Variants in MAMLD1 observed in about 807,000 individuals in gnomAD.
MAMLD1 encodes the protein mastermind-like domain-containing protein 1.
A neutral mutation model predicts 45.0 loss-of-function variants in MAMLD1; 14 were observed. The observed-to-expected ratio is 0.31, with a 90% CI of 0.21 to 0.49. The LOEUF (loss-of-function observed/expected upper bound fraction) is 0.49. Ranked by LOEUF, MAMLD1 falls within the 20% of genes least tolerant of loss-of-function variation. The probability of loss-of-function intolerance (pLI) is 0.99; values close to 1 mark genes in which losing one functional copy is unlikely to be tolerated. For missense variants in MAMLD1, 543 were observed against 603.6 expected (o/e 0.90, Z 1.05); for synonymous variants, 254 against 247.8 (o/e 1.02, Z -0.24).
chrX:150,418,371 G>A (rs1484276083), intron 1 of MAMLD1, among the ~76,000 whole-genome samples: 1 of 109,454 alleles, frequency 9.1e-6, no homozygotes, highest in African/African-American at 3.3e-5. Flanking sequence ...CAATTTTGTT[G>A]ATCCTTTCAG....
intron 1 of MAMLD1, among the ~76,000 whole-genome samples, chrX:150,430,019 C>CTTTTTTTTTTTTTTTTTTTTTT (rs1174092962): frequency 2.0e-5 from 1 of 49,231 alleles, no homozygotes; most frequent in African/African-American, 8.4e-5. Flanking sequence ...TCTTTCTTTT[C>CTTTTTTTTTTTTTTTTTTTTTT]TTTTTTTTTT....
At chrX:150,392,504 C>T (rs1278917171) in intron 1 of MAMLD1, among the ~76,000 whole-genome samples, 1 of 110,952 alleles carries the variant, frequency 9.0e-6, no homozygotes, top group Non-Finnish European at 1.9e-5. Context: ...CTTACACTAC[C>T]CTGATGGGGA....
intron 1 of MAMLD1, among the ~76,000 whole-genome samples, chrX:150,430,078 G>C (rs1205828485): frequency 2.4e-5 from 2 of 82,914 alleles, no homozygotes; most frequent in African/African-American, 9.4e-5. Flanking sequence ...CTGGAGTGCA[G>C]TGGTGTGATC....
At chrX:150,451,802 G>A (rs908253967) in intron 2 of MAMLD1, among the ~76,000 whole-genome samples, 1 of 110,926 alleles carries the variant, frequency 9.0e-6, no homozygotes, top group African/African-American at 3.3e-5. Flanking sequence ...CCACAGGGAA[G>A]TGGATTTGAC....
intron 7 of MAMLD1, among the ~76,000 whole-genome samples, chrX:150,511,082 C>T (rs781868027): frequency 1.8e-5 from 2 of 112,152 alleles, no homozygotes; most frequent in African/African-American, 3.2e-5. Context: ...TTTGTAGATA[C>T]GAGCATGGAT....
chrX:150,454,962 T>TC (rs2035798738), intron 2 of MAMLD1, among the ~76,000 whole-genome samples: 1 of 111,428 alleles, frequency 9.0e-6, no homozygotes, highest in Non-Finnish European at 1.9e-5. Flanking sequence ...ACTATCGCCA[T>TC]CCCCTCTACC....
chrX:150,497,282 T>A (rs56086965), intron 5 of MAMLD1, among the ~76,000 whole-genome samples: 2 of 103,510 alleles, frequency 1.9e-5, no homozygotes, highest in Non-Finnish European at 3.9e-5. Context: ...TTCTTTTTTT[T>A]CTTTTTTTTT....
At chrX:150,503,941 TA>T (rs2037646913) in intron 6 of MAMLD1, 1 of 425,627 alleles carries the variant, frequency 2.3e-6, no homozygotes, top group Non-Finnish European at 2.9e-6. Flanking sequence ...CTGCACCTGA[TA>T]CCTGCCTGCT....
chrX:150,512,454 C>T lies in MAMLD1; in HGVS notation c.*495C>T, dbSNP rs1247083441. The T allele has an allele frequency of 3.7e-5, 43 of 1,154,638 alleles. No individual in the cohort carries two copies. The highest frequency in any genetic ancestry group is 9.8e-5 in the East Asian group (3 of 30,709). On this transcript the variant is annotated 3_prime_UTR_variant, in exon 8 of 8. Coordinates refer to ENST00000370401, the MANE Select transcript of MAMLD1 (RefSeq NM_005491.5). ...GCAGCAGCTGTGACCACAGCAGTTT[C>T]GGGGAAAACACCCCTCAGCCAAGTG...
In MAMLD1 at chrX:150,503,533, C is replaced by T; in HGVS notation, c.2284+16C>T. The T allele has an allele frequency of 1.0e-6, 1 of 959,244 alleles. No homozygotes were observed. The highest frequency in any genetic ancestry group is 2.0e-5 in the South Asian group (1 of 49,213). 79.1% of individuals were successfully genotyped at this position (959,244 alleles called of 1,213,427 possible). On this transcript the variant is annotated intron_variant, in intron 6 of 7. Coordinates refer to ENST00000370401, the MANE Select transcript of MAMLD1 (RefSeq NM_005491.5). ...GACGCCACAGGTAAGTCACTTCCCC[C>T]TGAGCCTCGCTTTCCTCATCTGTCA...
At chrX:150,503,747 T>C (rs2037639230) in intron 6 of MAMLD1, among the ~76,000 whole-genome samples, 3 of 112,136 alleles carry the variant, frequency 2.7e-5, no homozygotes, top group Admixed American at 9.4e-5. Context: ...GCAAGCAGAG[T>C]GCTCCAGGTG....
intron 5 of MAMLD1, among the ~76,000 whole-genome samples, chrX:150,477,486 T>G (rs1197076264): frequency 3.6e-5 from 4 of 111,598 alleles, no homozygotes; most frequent in African/African-American, 1.3e-4. Context: ...GGCTGCGTGC[T>G]CACGGACAGT....
At chrX:150,486,668 C>A (rs1557407640) in intron 5 of MAMLD1, among the ~76,000 whole-genome samples, 1 of 112,031 alleles carries the variant, frequency 8.9e-6, no homozygotes, top group Non-Finnish European at 1.9e-5. Context: ...CCAAAGGGAT[C>A]CAACTCCAAT....
At chrX:150,461,710 T>C (rs1419217470) in intron 2 of MAMLD1, among the ~76,000 whole-genome samples, 2 of 111,365 alleles carry the variant, frequency 1.8e-5, no homozygotes, top group African/African-American at 6.5e-5. Flanking sequence ...GGAGAGGGAC[T>C]CGATGGAAGC....
At chrX:150,416,613 C>A (rs926817594) in intron 1 of MAMLD1, among the ~76,000 whole-genome samples, 5 of 112,029 alleles carry the variant, frequency 4.5e-5, no homozygotes, top group Non-Finnish European at 7.5e-5. Context: ...GTCTGGGAAC[C>A]ATTTCCGAAA....
At chrX:150,362,195 C>T (rs1469306554), upstream of MAMLD1, among the ~76,000 whole-genome samples, 1 of 111,818 alleles carries the variant, frequency 8.9e-6, no homozygotes, top group East Asian at 2.8e-4. Flanking sequence ...ACTGGCGCTA[C>T]CCACCCAGCA....
chrX:150,479,861 C>A (rs1315546141), intron 5 of MAMLD1, among the ~76,000 whole-genome samples: 1 of 112,081 alleles, frequency 8.9e-6, no homozygotes, highest in Non-Finnish European at 1.9e-5. Flanking sequence ...GCAGATGAAA[C>A]TCACGGTAGA....
chrX:150,376,234 T>G (rs782367026), intron 1 of MAMLD1, among the ~76,000 whole-genome samples: 63 of 112,394 alleles, frequency 5.6e-4, no homozygotes, highest in African/African-American at 2.0e-3. Flanking sequence ...TTTGTTCTTT[T>G]TGAAATTACC....
intron 1 of MAMLD1, among the ~76,000 whole-genome samples, chrX:150,443,564 C>A (rs1338390377): frequency 1.6e-5 from 1 of 61,668 alleles, no homozygotes; most frequent in African/African-American, 6.5e-5. Flanking sequence ...CTCCCTCCCC[C>A]CTCCCCCCAC....
Sources: allele counts gnomAD v4.1 joint callset (sites outside exome capture counted in the v4.1 genomes callset), GRCh38; gene constraint gnomAD v4.1.1; transcripts MANE v1.5; gene names NCBI Gene and HGNC (gene_info 2026-07-23, HGNC 2026-07-21).